DOCK11: variants seen among roughly 807,000 people sequenced by gnomAD.
DOCK11 encodes dedicator of cytokinesis 11.
In DOCK11, 70 loss-of-function variants were observed where a neutral mutation model predicts 169.1. The ratio of observed to expected loss-of-function variants is 0.41; its 90% CI spans 0.34 to 0.51. The LOEUF (loss-of-function observed/expected upper bound fraction) is 0.51, where lower values mean the gene tolerates loss of function less well. Among genes scored for constraint, DOCK11 ranks in the 20% least tolerant of loss-of-function variants. DOCK11 has a pLI of 0.10. For missense variants in DOCK11, 1,166 were observed against 1,538.8 expected, an observed-to-expected ratio of 0.76 and a Z score of 4.05; for synonymous variants, 529 against 541.3, an observed-to-expected ratio of 0.98 and a Z score of 0.32.
chrX:118,549,934 G>A (rs5957024), intron 6 of DOCK11, among the ~76,000 whole-genome samples: 16,017 of 111,090 alleles, frequency 0.14, 2,713 homozygotes, highest in African/African-American at 0.48. Context: ...AGGTTTGGGA[G>A]CTGTTTCTGG....
At chrX:118,656,592 GA>G (rs2016077369) in intron 44 of DOCK11, among the ~76,000 whole-genome samples, 1 of 112,044 alleles carries the variant, frequency 8.9e-6, no homozygotes, top group Non-Finnish European at 1.9e-5. Flanking sequence ...AAACTGACAA[GA>G]TATGAGAACC....
At chrX:118,581,976 A>C (rs1219511825) in intron 14 of DOCK11, among the ~76,000 whole-genome samples, 1 of 109,837 alleles carries the variant, frequency 9.1e-6, no homozygotes, top group African/African-American at 3.3e-5. Context: ...CTAAAAATAT[A>C]AAAATTAGCC....
intron 46 of DOCK11, among the ~76,000 whole-genome samples, chrX:118,675,284 T>G (rs1191172812): frequency 8.9e-6 from 1 of 112,298 alleles, no homozygotes; most frequent in Admixed American, 9.5e-5. Flanking sequence ...ATTTTCCTTT[T>G]TAAATACATG....
intron 44 of DOCK11, among the ~76,000 whole-genome samples, chrX:118,662,017 C>T (rs941544802): frequency 8.9e-6 from 1 of 112,214 alleles, no homozygotes; most frequent in Admixed American, 9.5e-5. Context: ...TCATTTAATT[C>T]TCATAGCATA....
Position 118,574,047 on chromosome X carries a change from G to A in DOCK11, c.1389+29G>A, listed in dbSNP as rs771924896. 30 of 1,150,685 alleles carry A rather than the reference G, an allele frequency of 2.6e-5. No individual in the cohort carries two copies. The East Asian group carries it at 3.0e-4, about 12-fold the overall frequency. 94.8% of individuals were successfully genotyped at this position (1,150,685 alleles called of 1,213,427 possible). A position where few individuals can be genotyped will look rare whatever the true frequency, so the allele number is the denominator to read the frequency against. On this transcript the variant is annotated intron_variant, in intron 12 of 52. Coordinates refer to ENST00000276202, the MANE Select transcript of DOCK11 (RefSeq NM_144658.4). ...ACGAATGACCTTTAGTCTTAGCAGC[G>A]TATTCAGAATAAGAAACAGAAATAT...
At chrX:118,617,297 G>A (rs1418995242) in intron 30 of DOCK11, among the ~76,000 whole-genome samples, 1 of 108,331 alleles carries the variant, frequency 9.2e-6, no homozygotes, top group Non-Finnish European at 1.9e-5. Flanking sequence ...AGAGACCAGC[G>A]TGGCCAATAT....
intron 10 of DOCK11, among the ~76,000 whole-genome samples, chrX:118,569,091 C>CTTTTTTTTTTTTTTTTTTTTTTTTTTTTT (rs1186200391): frequency 2.2e-5 from 1 of 44,991 alleles, no homozygotes; most frequent in Non-Finnish European, 4.1e-5. Flanking sequence ...TCTTTCTTTC[C>CTTTTTTTTTTTTTTTTTTTTTTTTTTTTT]TTTTTTTTTT....
intron 32 of DOCK11, among the ~76,000 whole-genome samples, chrX:118,626,234 T>C (rs2015099194): frequency 1.2e-5 from 1 of 80,669 alleles, no homozygotes; most frequent in South Asian, 8.7e-4. Flanking sequence ...CCCGGCTAAT[T>C]TTTTTTGTAC....
At chrX:118,542,520 T>TTTATGTG (rs149027952) in intron 1 of DOCK11, among the ~76,000 whole-genome samples, 1 of 103,950 alleles carries the variant, frequency 9.6e-6, no homozygotes, top group African/African-American at 3.5e-5. Context: ...GTGTGTGTGT[T>TTTATGTG]TGTGTGTGTG....
chrX:118,641,552 A>T (rs185386400), intron 39 of DOCK11, among the ~76,000 whole-genome samples: 285 of 111,242 alleles, frequency 2.6e-3, no homozygotes, highest in African/African-American at 8.7e-3. Context: ...ATTCTATTAG[A>T]TTTTCGTATT....
At chrX:118,657,231 C>G (rs946783503) in intron 44 of DOCK11, among the ~76,000 whole-genome samples, 10 of 111,086 alleles carry the variant, frequency 9.0e-5, no homozygotes, top group Non-Finnish European at 1.9e-4. Flanking sequence ...ATATTTTCAA[C>G]TAGCCATTTA....
chrX:118,680,830 A>G, intron 49 of DOCK11, 138 bp downstream of exon 49: 1 of 599,044 alleles, frequency 1.7e-6, no homozygotes, highest in South Asian at 3.6e-5. Flanking sequence ...AGTTTGCACA[A>G]GCACGTCCAT....
At position 118,541,109 on chromosome X, in the gene DOCK11, G is replaced by T. The variant is rs1215166073; in HGVS notation, c.103-1616G>T. On this transcript the variant is annotated intron_variant, in intron 1 of 52. Transcript: ENST00000276202. ...AAAAGAAAATCCCTGCCCTCAAATAGTCAGAGAGGTGAAATAGATGGTATA... is the reference window on the plus strand; with the variant it reads ...AAAAGAAAATCCCTGCCCTCAAATATTCAGAGAGGTGAAATAGATGGTATA... Among the ~76,000 whole-genome samples, 4 of 111,458 alleles carry T rather than the reference G, an allele frequency of 3.6e-5. No individual in the cohort carries two copies. The East Asian group carries it at 1.1e-3, about 31-fold the overall frequency.
intron 1 of DOCK11, among the ~76,000 whole-genome samples, chrX:118,512,500 G>T (rs1027497140): frequency 1.8e-5 from 2 of 111,867 alleles, no homozygotes; most frequent in East Asian, 5.6e-4. Context: ...CTTATTCAGG[G>T]GCTGGAGACA....
At chrX:118,578,760 A>G in intron 13 of DOCK11, 113 bp downstream of exon 13, 1 of 730,712 alleles carries the variant, frequency 1.4e-6, no homozygotes, top group South Asian at 3.3e-5. Flanking sequence ...AACATTGTAT[A>G]CTGTGTATGT....
intron 7 of DOCK11, among the ~76,000 whole-genome samples, chrX:118,564,269 A>G (rs1322225462): frequency 8.9e-6 from 1 of 112,848 alleles, no homozygotes; most frequent in Non-Finnish European, 1.9e-5. Flanking sequence ...TTTCAAATGT[A>G]TAAATCTTTA....
intron 6 of DOCK11, among the ~76,000 whole-genome samples, chrX:118,547,719 G>C (rs1341347281): frequency 3.6e-5 from 4 of 112,544 alleles, no homozygotes; most frequent in Non-Finnish European, 7.5e-5. Context: ...CTCTTAACCA[G>C]TATACTATCA....
At chrX:118,555,149 C>T (rs1247533623) in intron 6 of DOCK11, among the ~76,000 whole-genome samples, 1 of 111,643 alleles carries the variant, frequency 9.0e-6, no homozygotes, top group Non-Finnish European at 1.9e-5. Context: ...TCCTACTAGA[C>T]TTGGCTTTAA....
intron 40 of DOCK11, among the ~76,000 whole-genome samples, chrX:118,647,761 TATATTATA>T (rs2015756713): frequency 6.7e-5 from 3 of 44,923 alleles, no homozygotes; most frequent in African/African-American, 1.1e-4. Context: ...TAATATATAA[TATATTATA>T]ATATATAATA....
Sources: gnomAD v4.1 joint callset for allele counts (sites outside exome capture counted in the v4.1 genomes callset) on GRCh38, gnomAD v4.1.1 for gene constraint, MANE v1.5 for transcripts, NCBI Gene and HGNC (gene_info 2026-07-23, HGNC 2026-07-21) for gene names.